The following BAIAP2 variants were observed in gnomAD, a reference collection of about 807,000 sequenced individuals.
The protein encoded by BAIAP2 is BAR/IMD domain-containing adapter protein 2.
Under a neutral mutation model 63.0 loss-of-function variants are expected in BAIAP2, and 18 were observed. The ratio of observed to expected loss-of-function variants is 0.29; its 90% CI spans 0.20 to 0.42. The LOEUF (loss-of-function observed/expected upper bound fraction) is 0.42. BAIAP2 is among the 10% of genes least tolerant of loss of function. BAIAP2 has a pLI of 1.00. For missense variants in BAIAP2, 610 were observed against 734.3 expected, an observed-to-expected ratio of 0.83 and a Z score of 1.96; for synonymous variants, 386 against 307.6, an observed-to-expected ratio of 1.25 and a Z score of -2.67.
At chr17:81,105,006 T>C in intron 10 of BAIAP2, 1 of 281,892 alleles carries the variant, frequency 3.5e-6, no homozygotes, top group African/African-American at 2.3e-5. Flanking sequence ...GGCAGGGATC[T>C]CCCCCAATGG....
chr17:81,100,768 T>A (rs2058375314), intron 7 of BAIAP2, among the ~76,000 whole-genome samples: 1 of 152,126 alleles, frequency 6.6e-6, no homozygotes, highest in South Asian at 2.1e-4. Flanking sequence ...TGCCTGGCTC[T>A]CAGGTGGCCT....
chr17:81,100,374 C>T (rs947083425), intron 7 of BAIAP2, among the ~76,000 whole-genome samples: 4 of 152,106 alleles, frequency 2.6e-5, no homozygotes, highest in Non-Finnish European at 4.4e-5. Flanking sequence ...TCTGCCACAG[C>T]CATGTCCTGG....
chr17:81,063,320 T>G (rs2050912106), intron 3 of BAIAP2, among the ~76,000 whole-genome samples: 1 of 152,198 alleles, frequency 6.6e-6, no homozygotes, highest in Non-Finnish European at 1.5e-5. Context: ...TTTCTCACTG[T>G]GTCTTAGGGT....
At chr17:81,093,251 A>C (rs368964861) in intron 6 of BAIAP2, among the ~76,000 whole-genome samples, 1 of 152,092 alleles carries the variant, frequency 6.6e-6, no homozygotes, top group Non-Finnish European at 1.5e-5. Context: ...CGCACTGGGC[A>C]TGGGCTCGAC....
chr17:81,036,990 G>T, intron 1 of BAIAP2: 1 of 1,515,914 alleles, frequency 6.6e-7, no homozygotes, highest in Non-Finnish European at 8.9e-7. Context: ...TTTGCTCTGG[G>T]GGACCGACCC....
chr17:81,098,318 C>T (rs958788378), intron 6 of BAIAP2: 1 of 613,216 alleles, frequency 1.6e-6, no homozygotes, highest in Non-Finnish European at 2.4e-6. Context: ...ACTCTCTCCC[C>T]CAAACTCCCC....
chr17:81,060,660 G>A (rs999651418), intron 3 of BAIAP2, among the ~76,000 whole-genome samples: 1 of 152,200 alleles, frequency 6.6e-6, no homozygotes, highest in East Asian at 1.9e-4. Flanking sequence ...TGGAATTGCC[G>A]GGTCAGATGG....
chr17:81,108,372 C>G, intron 12 of BAIAP2, 103 bp from the exon 13 acceptor site: 1 of 1,341,328 alleles, frequency 7.5e-7, no homozygotes, highest in Non-Finnish European at 1.1e-6. Context: ...CGGTTTGAAC[C>G]TTGTCCAGGC....
intron 3 of BAIAP2, among the ~76,000 whole-genome samples, chr17:81,072,927 C>A (rs1020744485): frequency 1.3e-5 from 2 of 152,004 alleles, no homozygotes; most frequent in Non-Finnish European, 1.5e-5. Flanking sequence ...CTGATTTAAT[C>A]CCGGGTGCCG....
intron 6 of BAIAP2, among the ~76,000 whole-genome samples, chr17:81,098,952 C>T (rs371886714): frequency 1.9e-4 from 28 of 151,104 alleles, no homozygotes; most frequent in African/African-American, 6.9e-4. Flanking sequence ...GTCTGGGACA[C>T]ATTCTCCCCG....
At chr17:81,099,224 G>A (rs1039044365) in intron 6 of BAIAP2, among the ~76,000 whole-genome samples, 9 of 151,644 alleles carry the variant, frequency 5.9e-5, no homozygotes, top group African/African-American at 1.7e-4. Context: ...TCCTCCCCAC[G>A]AACTTCCTTC....
At chr17:81,106,232 C>T (rs754241551) in intron 11 of BAIAP2, 86 bp downstream of exon 11, 81 of 1,389,550 alleles carry the variant, frequency 5.8e-5, no homozygotes, top group Admixed American at 3.3e-4. Flanking sequence ...TTGGATTGCT[C>T]GGCTGGGCTT....
rs569217854 is a variant in BAIAP2, at chr17:81,078,849, TG to T, written c.218-5979del. 1.2e-4 allele frequency among the ~76,000 whole-genome samples: 19 copies of T among 152,194 alleles called. 1 individual carries two copies. The South Asian group carries it at 3.5e-3, about 28-fold the overall frequency. On this transcript the variant is annotated intron_variant, in intron 3 of 13. Coordinates refer to ENST00000428708, the MANE Select transcript of BAIAP2 (RefSeq NM_001144888.2). ...GGAAGCTCTCAGGGCTCCTGAGTTT[TG>T]GGGTGTTTGACCTCCAGCCTGCTCA...
At chr17:81,094,956 G>A (rs34534119) in intron 6 of BAIAP2, among the ~76,000 whole-genome samples, 27,208 of 152,240 alleles carry the variant, frequency 0.18, 2,515 homozygotes, top group Middle Eastern at 0.31. Flanking sequence ...GTAAACCAAA[G>A]CCGCCTTGGT....
At chr17:81,075,933 G>A (rs1180179876) in intron 3 of BAIAP2, among the ~76,000 whole-genome samples, 1 of 138,912 alleles carries the variant, frequency 7.2e-6, no homozygotes, top group Non-Finnish European at 1.6e-5. Context: ...GGGTCTGCTG[G>A]GAATTTTTTT....
At chr17:81,085,976 C>T (rs1330792490) in intron 5 of BAIAP2, among the ~76,000 whole-genome samples, 4 of 152,368 alleles carry the variant, frequency 2.6e-5, no homozygotes, top group East Asian at 3.9e-4. Context: ...TGGCCACTTG[C>T]GGTGAAGCTG....
At chr17:81,073,398 G>T (rs962471923) in intron 3 of BAIAP2, among the ~76,000 whole-genome samples, 1 of 152,152 alleles carries the variant, frequency 6.6e-6, no homozygotes, top group Non-Finnish European at 1.5e-5. Context: ...AGCCAGGGCC[G>T]CCAGCCTTCT....
Position 81,116,628 on chromosome 17 carries a change from C to T in BAIAP2, c.*789C>T, listed in dbSNP as rs1374733238. On this transcript the variant is annotated 3_prime_UTR_variant, in exon 14 of 14. Transcript: ENST00000428708. ...CCCGCTTCCGGGGTCTGCCCCAGGA[C>T]TCCTGGGTGGACCTCCCCCCCCCAC... 3 of 409,684 alleles carry T rather than the reference C, an allele frequency of 7.3e-6. No individual in the cohort carries two copies. The East Asian group carries it at 1.3e-4, about 18-fold the overall frequency. 25.4% of individuals were successfully genotyped at this position (409,684 alleles called of 1,614,324 possible).
intron 6 of BAIAP2, 121 bp downstream of exon 6, chr17:81,086,701 C>T: frequency 8.5e-7 from 1 of 1,170,792 alleles, no homozygotes; most frequent in South Asian, 1.4e-5. Flanking sequence ...CAGAGGCAGG[C>T]TGTGTGTCCC....
Sources: gnomAD v4.1 joint callset for allele counts (sites outside exome capture counted in the v4.1 genomes callset) on GRCh38, gnomAD v4.1.1 for gene constraint, MANE v1.5 for transcripts, NCBI Gene and HGNC (gene_info 2026-07-23, HGNC 2026-07-21) for gene names.